EFCAB8: variants seen among roughly 807,000 people sequenced by gnomAD.
The protein encoded by EFCAB8 is EF-hand calcium binding domain 8.
A neutral mutation model predicts 116.3 loss-of-function variants in EFCAB8; 100 were observed. The observed-to-expected ratio is 0.86, with a 90% confidence interval of 0.73 to 1.02. The LOEUF (loss-of-function observed/expected upper bound fraction) is 1.02. Among genes scored for constraint, EFCAB8 ranks in the 50% least tolerant of loss-of-function variants. EFCAB8 has a pLI of 0.00. For synonymous variants in EFCAB8, 558 were observed against 567.9 expected (o/e 0.98, Z 0.25); for missense variants, 1,320 against 1,416.9 (o/e 0.93, Z 1.10).
chr20:32,919,493 C>CTTATTT (rs769837963), intron 19 of EFCAB8, among the ~76,000 whole-genome samples: 2 of 151,956 alleles, frequency 1.3e-5, no homozygotes, highest in Non-Finnish European at 2.9e-5. Context: ...CCCCTCTATC[C>CTTATTT]TTATTTTTAT....
At chr20:32,884,471 T>C (rs1985505000) in intron 5 of EFCAB8, among the ~76,000 whole-genome samples, 1 of 152,190 alleles carries the variant, frequency 6.6e-6, no homozygotes, top group Admixed American at 6.5e-5. Flanking sequence ...CAACTGAGAA[T>C]ATTCATCACA....
chr20:32,909,001 G>A (rs758836396), intron 14 of EFCAB8, among the ~76,000 whole-genome samples: 17 of 152,186 alleles, frequency 1.1e-4, no homozygotes, highest in Non-Finnish European at 2.1e-4. Context: ...TGGGGGTAAG[G>A]GGGCCCACAA....
intron 6 of EFCAB8, among the ~76,000 whole-genome samples, chr20:32,888,131 A>T (rs1985728616): frequency 6.7e-6 from 1 of 149,170 alleles, no homozygotes; most frequent in Non-Finnish European, 1.5e-5. Flanking sequence ...TGGTGCAATC[A>T]CGGCTCACTG....
At chr20:32,957,489 A>C (rs1190998842) in intron 23 of EFCAB8, among the ~76,000 whole-genome samples, 1 of 152,046 alleles carries the variant, frequency 6.6e-6, no homozygotes, top group East Asian at 1.9e-4. Flanking sequence ...AGGAGGACTC[A>C]GTTTGCCTCT....
chr20:32,936,292 C>T (rs773518836), intron 22 of EFCAB8, among the ~76,000 whole-genome samples: 16 of 152,240 alleles, frequency 1.1e-4, no homozygotes, highest in Non-Finnish European at 1.8e-4. Context: ...ACTCAGCCTC[C>T]CAAAGTGCTG....
intron 22 of EFCAB8, among the ~76,000 whole-genome samples, chr20:32,939,579 G>A (rs1988321811): frequency 6.8e-6 from 1 of 146,678 alleles, no homozygotes. Flanking sequence ...CACCTCGCCT[G>A]GCGGGCTGGC....
rs1415457653 is a variant in EFCAB8 at position 32,893,215 on chromosome 20, A to G, written c.800A>G (p.Lys267Arg). ...HRGVFCYGDA[K>R]GNVIVFTSEN... ...GGTGTGTTCTGCTATGGAGACGCCA[A>G]AGGCAACGTCATTGTCTTCACCTCC... The change falls in exon 9 of 27, where the codon AAA becomes AGA. Residue 267 changes from lysine to arginine, a missense_variant. Coordinates refer to ENST00000400522, the MANE Select transcript of EFCAB8 (RefSeq NM_001143967.2). 1.3e-6 allele frequency: 2 copies of G among 1,551,990 alleles called. No individual in the cohort carries two copies. Among genetic ancestry groups the G allele is most frequent in the Admixed American group, 3.9e-5 (2 of 50,988 alleles).
intron 23 of EFCAB8, among the ~76,000 whole-genome samples, chr20:32,954,835 T>A (rs1335410106): frequency 6.6e-6 from 1 of 152,236 alleles, no homozygotes; most frequent in Non-Finnish European, 1.5e-5. Context: ...ATGTGGTAAA[T>A]TACATTTTTT....
intron 15 of EFCAB8, among the ~76,000 whole-genome samples, chr20:32,910,348 C>T (rs1292988002): frequency 6.6e-6 from 1 of 152,098 alleles, no homozygotes; most frequent in Non-Finnish European, 1.5e-5. Context: ...TAGGAAGGGA[C>T]GGAGGCCCAG....
intron 11 of EFCAB8, among the ~76,000 whole-genome samples, chr20:32,902,163 C>T (rs1266455923): frequency 1.3e-5 from 2 of 152,042 alleles, no homozygotes; most frequent in Admixed American, 1.3e-4. Flanking sequence ...GATATAAGCA[C>T]GGTTCTGGGA....
chr20:32,894,306 C>T lies in EFCAB8; in HGVS notation c.883+1008C>T, dbSNP rs138647269. On this transcript the variant is annotated intron_variant, in intron 9 of 26. Coordinates refer to ENST00000400522, the MANE Select transcript of EFCAB8 (RefSeq NM_001143967.2). Reference sequence around the variant, plus strand: ...GCCCCTGGCAGGCTTGTTGGGGCAGCGTCCCCTGCTGGCAGAGCAGGGACA... The same window carrying T: ...GCCCCTGGCAGGCTTGTTGGGGCAGTGTCCCCTGCTGGCAGAGCAGGGACA... Among the ~76,000 whole-genome samples, 1,169 of 152,330 alleles carry T rather than the reference C, an allele frequency of 7.7e-3. 7 individuals carry two copies. The highest frequency in any genetic ancestry group is 0.011 in the Admixed American group (176 of 15,308).
intron 10 of EFCAB8, among the ~76,000 whole-genome samples, chr20:32,897,583 C>T (rs1411588479): frequency 6.6e-6 from 1 of 152,008 alleles, no homozygotes; most frequent in Non-Finnish European, 1.5e-5. Flanking sequence ...GCTGGGAATA[C>T]AAGCACCACA....
chr20:32,879,214 C>T (rs892083319), intron 5 of EFCAB8, among the ~76,000 whole-genome samples: 1 of 152,158 alleles, frequency 6.6e-6, no homozygotes, highest in Non-Finnish European at 1.5e-5. Context: ...GTGGCCAGCA[C>T]AGGCAGGAAT....
chr20:32,948,229 C>G (rs945441072), intron 23 of EFCAB8, among the ~76,000 whole-genome samples: 1 of 152,058 alleles, frequency 6.6e-6, no homozygotes, highest in Non-Finnish European at 1.5e-5. Context: ...AATTTGGCAA[C>G]TTATATGAAA....
intron 10 of EFCAB8, among the ~76,000 whole-genome samples, chr20:32,897,693 G>T (rs1986229435): frequency 6.6e-6 from 1 of 152,124 alleles, no homozygotes; most frequent in Non-Finnish European, 1.5e-5. Context: ...GTTTACAGGT[G>T]TGAGCCACTG....
chr20:32,883,676 A>G (rs1985455630), intron 5 of EFCAB8, among the ~76,000 whole-genome samples: 1 of 152,074 alleles, frequency 6.6e-6, no homozygotes, highest in Non-Finnish European at 1.5e-5. Flanking sequence ...TAATAAGGTC[A>G]AGCCTTCACT....
chr20:32,885,684 G>C lies in EFCAB8; in HGVS notation c.567+44G>C, dbSNP rs183356538. 1.5e-4 allele frequency: 231 copies of C among 1,545,406 alleles called. 5 individuals carry two copies. In the East Asian group the frequency reaches 5.4e-3, roughly 36 times the overall value. On this transcript the variant is annotated intron_variant, in intron 6 of 26. Coordinates refer to ENST00000400522, the MANE Select transcript of EFCAB8 (RefSeq NM_001143967.2). ...CATGGTGCACACATGGGTGATTGGA[G>C]AGCCTCTGCCTTAGCACCCCCATGG...
rs183105545 is a variant in EFCAB8, at chr20:32,863,534, G to A, written c.-10-249G>A. ...AAACTTGTGAAACCCCATGGCTTCT[G>A]CAGGACAACTCCTCTCTATCAGGGG... is the stretch of plus-strand genomic sequence containing the variant. On this transcript the variant is annotated intron_variant, in intron 1 of 26. Transcript: ENST00000400522. Among the ~76,000 whole-genome samples, 20 of 152,306 alleles carry A rather than the reference G, an allele frequency of 1.3e-4. 1 individual carries two copies. The highest frequency in any genetic ancestry group is 1.3e-3 in the Admixed American group (20 of 15,294).
intron 7 of EFCAB8, among the ~76,000 whole-genome samples, chr20:32,890,582 G>A (rs898150186): frequency 3.3e-5 from 5 of 152,218 alleles, no homozygotes; most frequent in Non-Finnish European, 5.9e-5. Flanking sequence ...ATGGATGGAT[G>A]ATGAATGAGG....
Sources: gnomAD v4.1 joint callset for allele counts (sites outside exome capture counted in the v4.1 genomes callset) on GRCh38, gnomAD v4.1.1 for gene constraint, MANE v1.5 for transcripts, NCBI Gene and HGNC (gene_info 2026-07-23, HGNC 2026-07-21) for gene names.